Variants in ESRP1 observed in about 807,000 individuals in gnomAD.
ESRP1 encodes the protein epithelial splicing regulatory protein 1, also known as RNA-binding motif protein 35A.
Under a neutral mutation model 81.7 loss-of-function variants are expected in ESRP1, and 33 were observed. The observed-to-expected ratio is 0.40, with a 90% CI of 0.31 to 0.54. The LOEUF is 0.54. Ranked by LOEUF, ESRP1 falls within the 20% of genes least tolerant of loss-of-function variation. The probability of loss-of-function intolerance (pLI) is 0.41; values close to 1 mark genes in which losing one functional copy is unlikely to be tolerated. For missense variants in ESRP1, 672 were observed against 833.1 expected (o/e 0.81, Z 2.38); for synonymous variants, 320 against 303.3 (o/e 1.06, Z -0.57).
intron 12 of ESRP1, among the ~76,000 whole-genome samples, chr8:94,675,086 C>T (rs747847186): frequency 6.6e-6 from 1 of 152,198 alleles, no homozygotes; most frequent in Non-Finnish European, 1.5e-5. Flanking sequence ...AGGATCAGTG[C>T]TTAATTTTAA....
At position 94,665,042 on chromosome 8, in the gene ESRP1, G is replaced by A. The variant is rs769194906; in HGVS notation, c.871G>A (p.Gly291Arg). The A allele has an allele frequency of 1.2e-6, 2 of 1,613,544 alleles. No individual in the cohort carries two copies. Among genetic ancestry groups the A allele is most frequent in the Admixed American group, 1.7e-5 (1 of 59,954 alleles). Residue 291 changes from glycine (G) to arginine (R), a missense_variant, in exon 8 of 16, where the codon GGG (glycine) becomes AGG (arginine). Gly to Arg is a moderately radical substitution (Grantham distance 125). Transcript: ENST00000433389. ...ACTACAGAGGCACAAACATCACATG[G>A]GGACCCGGTATATTGAGGTATGTCC... is the stretch of plus-strand genomic sequence containing the variant. Reference protein sequence around the residue: ...LALQRHKHHMGTRYIEVYKAT... With the variant: ...LALQRHKHHMRTRYIEVYKAT...
In ESRP1 at chr8:94,674,382, T is replaced by TA. The variant is rs775950025; in HGVS notation, c.1535dup (p.Asn512LysfsTer8). ...CATTTATGGCTGCACAGAAGTGTCA[T>TA]AAAAAAAACATGAAGGACAGATATG... is the stretch of plus-strand genomic sequence containing the variant. On this transcript the variant is annotated frameshift_variant, in exon 12 of 16. Coordinates refer to ENST00000433389, the MANE Select transcript of ESRP1 (RefSeq NM_017697.4). LOFTEE classifies it high-confidence loss of function. 3.7e-6 allele frequency: 6 copies of TA among 1,613,542 alleles called. No individual in the cohort carries two copies. The highest frequency in any genetic ancestry group is 1.7e-5 in the Admixed American group (1 of 59,964).
At chr8:94,696,248 T>C (rs1809601240) in intron 14 of ESRP1, among the ~76,000 whole-genome samples, 1 of 152,236 alleles carries the variant, frequency 6.6e-6, no homozygotes, top group Non-Finnish European at 1.5e-5. Context: ...CTCTCAGGTA[T>C]CCTTACATAA....
chr8:94,651,891 G>A (rs961963093), intron 4 of ESRP1, among the ~76,000 whole-genome samples: 6 of 151,780 alleles, frequency 4.0e-5, no homozygotes, highest in African/African-American at 7.3e-5. Context: ...TTTTATAGGC[G>A]TGAGCCGCCA....
chr8:94,678,226 T>C lies in ESRP1; in HGVS notation c.1675T>C (p.Phe559Leu), dbSNP rs1304361395. 6.2e-7 allele frequency: 1 copy of C among 1,613,922 alleles called. No homozygotes were observed. Among genetic ancestry groups the C allele is most frequent in the African/African-American group, 1.3e-5 (1 of 74,938 alleles). ...AGGCCTGTCTCCTCCCTCCTACACA[T>C]TTCCAGCTCCTGCTGCAGTTATTCC... ...LPCLSPPSYT[F>L]PAPAAVIPTE... The change falls in exon 13 of 16, where the codon TTT becomes CTT. Residue 559 changes from phenylalanine to leucine, a missense_variant. Transcript: ENST00000433389.
rs139506660 is a variant in ESRP1, at chr8:94,655,060, G to GT, written c.491-7206dup. On this transcript the variant is annotated intron_variant, in intron 4 of 15. Transcript: ENST00000433389. ...TATCTGTGTCTGTGAGGTTTTTTGGGTTTTTTGTGTGTGTGTGTGTGTGTG... is the reference window on the plus strand; with the variant it reads ...TATCTGTGTCTGTGAGGTTTTTTGGGTTTTTTTGTGTGTGTGTGTGTGTGTG... 8.1e-4 allele frequency among the ~76,000 whole-genome samples: 119 copies of GT among 146,720 alleles called. 2 individuals are homozygous for GT. The highest frequency in any genetic ancestry group is 2.9e-3 in the African/African-American group (115 of 39,756).
chr8:94,650,681 G>C (rs1427998654), intron 4 of ESRP1, among the ~76,000 whole-genome samples: 1 of 152,108 alleles, frequency 6.6e-6, no homozygotes, highest in Non-Finnish European at 1.5e-5. Context: ...AACATCACGT[G>C]CAGGTTTTCA....
At chr8:94,690,118 T>A (rs958327205) in intron 13 of ESRP1, among the ~76,000 whole-genome samples, 2 of 118,576 alleles carry the variant, frequency 1.7e-5, no homozygotes, top group African/African-American at 2.7e-5. Flanking sequence ...GTGCCCGGCC[T>A]AATTTTTTTT....
At chr8:94,652,940 A>G (rs1207401735) in intron 4 of ESRP1, among the ~76,000 whole-genome samples, 1 of 152,200 alleles carries the variant, frequency 6.6e-6, no homozygotes, top group Non-Finnish European at 1.5e-5. Flanking sequence ...AATGTATACA[A>G]TCATTTGAGG....
intron 12 of ESRP1, among the ~76,000 whole-genome samples, chr8:94,676,196 A>C (rs1405428931): frequency 2.0e-5 from 3 of 152,002 alleles, no homozygotes; most frequent in Non-Finnish European, 4.4e-5. Context: ...CCCCCTCTCT[A>C]CTAAAAATAC....
intron 13 of ESRP1, among the ~76,000 whole-genome samples, chr8:94,686,016 C>T (rs1404459713): frequency 6.6e-6 from 1 of 152,134 alleles, no homozygotes; most frequent in Non-Finnish European, 1.5e-5. Flanking sequence ...GGTGCAATCT[C>T]GGCTCACTGC....
intron 15 of ESRP1, among the ~76,000 whole-genome samples, chr8:94,703,078 A>G (rs542526708): frequency 6.6e-6 from 1 of 151,554 alleles, no homozygotes; most frequent in East Asian, 1.9e-4. Context: ...AAACGGGAAG[A>G]GGAAACATTA....
chr8:94,691,189 A>G (rs527475469), intron 13 of ESRP1, among the ~76,000 whole-genome samples: 191 of 152,302 alleles, frequency 1.3e-3, no homozygotes, highest in African/African-American at 4.5e-3. Context: ...ATATATTTAT[A>G]TCAATGTCTG....
intron 15 of ESRP1, among the ~76,000 whole-genome samples, chr8:94,704,019 T>G (rs1332551515): frequency 6.6e-6 from 1 of 152,212 alleles, no homozygotes; most frequent in African/African-American, 2.4e-5. Flanking sequence ...GAGTGCCAAA[T>G]TGTGGTCACT....
intron 4 of ESRP1, among the ~76,000 whole-genome samples, chr8:94,655,069 G>C (rs62523415): frequency 4.8e-5 from 7 of 144,980 alleles, no homozygotes; most frequent in Non-Finnish European, 7.5e-5. Flanking sequence ...GGTTTTTTGT[G>C]TGTGTGTGTG....
chr8:94,667,219 A>G (rs1175506827), intron 9 of ESRP1, among the ~76,000 whole-genome samples: 1 of 97,206 alleles, frequency 1.0e-5, no homozygotes, highest in East Asian at 3.1e-4. Context: ...CTGTGTCTCA[A>G]AAAAAAAACA....
At chr8:94,643,109 G>A (rs560508632) in intron 2 of ESRP1, among the ~76,000 whole-genome samples, 194 bp from the exon 3 acceptor site, 2 of 152,356 alleles carry the variant, frequency 1.3e-5, no homozygotes, top group African/African-American at 4.8e-5. Context: ...ACTGCGGATT[G>A]ATTGGAAAGC....
chr8:94,669,097 TTTGAGGCA>T (rs1410308529), intron 10 of ESRP1, among the ~76,000 whole-genome samples: 1 of 152,134 alleles, frequency 6.6e-6, no homozygotes. Flanking sequence ...TTTCAGCATT[TTTGAGGCA>T]CAAAATGAGG....
At chr8:94,699,745 C>T (rs1027139862) in intron 15 of ESRP1, among the ~76,000 whole-genome samples, 13 of 152,046 alleles carry the variant, frequency 8.6e-5, no homozygotes, top group Non-Finnish European at 1.8e-4. Context: ...GTATTGGGTG[C>T]TCATTGCAAA....
Sources: allele counts gnomAD v4.1 joint callset (sites outside exome capture counted in the v4.1 genomes callset), GRCh38; gene constraint gnomAD v4.1.1; transcripts MANE v1.5; gene names NCBI Gene and HGNC (gene_info 2026-07-23, HGNC 2026-07-21).